The following ROBO1 variants were observed in gnomAD, a reference collection of about 807,000 sequenced individuals.
The protein encoded by ROBO1 is roundabout homolog 1.
Under a neutral mutation model 195.9 loss-of-function variants are expected in ROBO1, and 149 were observed. That is an observed-to-expected ratio of 0.76 (90% CI 0.67 to 0.87). ROBO1 has a LOEUF of 0.87. Among genes scored for constraint, ROBO1 ranks in the 40% least tolerant of loss-of-function variants. The pLI is 0.00. For missense variants in ROBO1, 1,933 were observed against 2,068.3 expected (o/e 0.93, Z 1.27); for synonymous variants, 816 against 733.2 (o/e 1.11, Z -1.82).
intron 1 of ROBO1, among the ~76,000 whole-genome samples, chr3:79,632,736 T>C (rs1945381190): frequency 1.3e-5 from 2 of 151,988 alleles, no homozygotes; most frequent in Non-Finnish European, 2.9e-5. Context: ...AGCATCTACT[T>C]CAGCAAGACA....
intron 1 of ROBO1, among the ~76,000 whole-genome samples, chr3:79,699,427 T>C (rs938787278): frequency 6.6e-6 from 1 of 151,584 alleles, no homozygotes; most frequent in Non-Finnish European, 1.5e-5. Flanking sequence ...CGAAGTACCA[T>C]AAATACAATA....
intron 2 of ROBO1, among the ~76,000 whole-genome samples, chr3:79,377,183 A>C (rs1199150021): frequency 1.3e-5 from 2 of 152,142 alleles, no homozygotes; most frequent in African/African-American, 4.8e-5. Flanking sequence ...CTAATTTATT[A>C]AAAAAGAAAA....
chr3:79,623,470 C>T (rs1945074499), intron 1 of ROBO1, among the ~76,000 whole-genome samples: 1 of 152,114 alleles, frequency 6.6e-6, no homozygotes, highest in South Asian at 2.1e-4. Flanking sequence ...AGAGGAATTG[C>T]TAACTAGAAT....
chr3:79,054,551 G>C (rs2078766714), intron 3 of ROBO1, among the ~76,000 whole-genome samples: 1 of 152,014 alleles, frequency 6.6e-6, no homozygotes, highest in Non-Finnish European at 1.5e-5. Context: ...CTATTCTGTG[G>C]GCATGGGCCA....
At chr3:79,598,456 G>A (rs910742232) in intron 1 of ROBO1, among the ~76,000 whole-genome samples, 1 of 152,012 alleles carries the variant, frequency 6.6e-6, no homozygotes, top group South Asian at 2.1e-4. Flanking sequence ...TGTGTTTAAA[G>A]ATATTGTTTT....
intron 2 of ROBO1, among the ~76,000 whole-genome samples, chr3:79,575,474 A>G (rs1943451375): frequency 1.5e-5 from 2 of 136,294 alleles, no homozygotes; most frequent in African/African-American, 2.7e-5. Flanking sequence ...AAATACATAT[A>G]TAAATATATA....
intron 2 of ROBO1, among the ~76,000 whole-genome samples, chr3:79,206,754 T>C (rs567926192): frequency 6.6e-6 from 1 of 152,250 alleles, no homozygotes; most frequent in South Asian, 2.1e-4. Flanking sequence ...ACAATGGAAA[T>C]AAATGATCAG....
intron 8 of ROBO1, among the ~76,000 whole-genome samples, chr3:78,712,042 A>C (rs6804856): frequency 0.25 from 36,303 of 146,082 alleles, 5,491 homozygotes; most frequent in African/African-American, 0.27. Flanking sequence ...AAAAAAAAAA[A>C]AAAAAAAACT....
chr3:78,745,721 C>A (rs1468045055), intron 5 of ROBO1, among the ~76,000 whole-genome samples: 1 of 152,162 alleles, frequency 6.6e-6, no homozygotes, highest in East Asian at 1.9e-4. Context: ...TTGGGAGACT[C>A]ATTCTAATTC....
chr3:78,712,017 C>CAAA (rs56267632), intron 8 of ROBO1, among the ~76,000 whole-genome samples: 15 of 76,456 alleles, frequency 2.0e-4, no homozygotes, highest in South Asian at 5.7e-4. Flanking sequence ...AAGACCTTGG[C>CAAA]AAAAAAAAAA....
chr3:79,350,705 AT>A (rs1201921975), intron 2 of ROBO1, among the ~76,000 whole-genome samples: 1 of 152,208 alleles, frequency 6.6e-6, no homozygotes. Context: ...CCTATATATG[AT>A]TTCATTTCTA....
chr3:79,011,678 A>T (rs1042808536), intron 3 of ROBO1, among the ~76,000 whole-genome samples: 5 of 148,210 alleles, frequency 3.4e-5, no homozygotes, highest in African/African-American at 9.9e-5. Flanking sequence ...TTTATATATA[A>T]ATATATATGT....
intron 1 of ROBO1, among the ~76,000 whole-genome samples, chr3:79,668,344 TTTTTG>T (rs972087943): frequency 2.6e-5 from 4 of 151,696 alleles, no homozygotes; most frequent in South Asian, 2.1e-4. Flanking sequence ...ATGGTGTTTT[TTTTTG>T]TTTTGTTTTA....
chr3:79,008,396 T>C (rs1477484901), intron 3 of ROBO1, among the ~76,000 whole-genome samples: 3 of 152,106 alleles, frequency 2.0e-5, no homozygotes, highest in African/African-American at 7.2e-5. Context: ...AGTAGTTTAC[T>C]GGGGAATAAA....
At chr3:78,812,064 T>C (rs1212956973) in intron 4 of ROBO1, among the ~76,000 whole-genome samples, 3 of 152,106 alleles carry the variant, frequency 2.0e-5, no homozygotes, top group Non-Finnish European at 1.5e-5. Context: ...GAAGTGAACA[T>C]TCTTTTGCAC....
At chr3:79,182,568 T>TGTGTGTGTGTGTGC (rs1369326015) in intron 2 of ROBO1, among the ~76,000 whole-genome samples, 1 of 151,614 alleles carries the variant, frequency 6.6e-6, no homozygotes, top group African/African-American at 2.4e-5. Context: ...TGTGTGTGTG[T>TGTGTGTGTGTGTGC]GTGCGTGCGT....
At chr3:79,619,205 A>AC (rs1289456774) in intron 1 of ROBO1, among the ~76,000 whole-genome samples, 2 of 152,122 alleles carry the variant, frequency 1.3e-5, no homozygotes, top group African/African-American at 4.8e-5. Context: ...GTGGCAAGTC[A>AC]ATTGTGGGGA....
At chr3:79,488,522 T>G (rs1939278380) in intron 2 of ROBO1, among the ~76,000 whole-genome samples, 1 of 152,176 alleles carries the variant, frequency 6.6e-6, no homozygotes, top group South Asian at 2.1e-4. Flanking sequence ...TAATTTCCAG[T>G]GTGTGATAAA....
intron 2 of ROBO1, among the ~76,000 whole-genome samples, chr3:79,139,178 AC>A: frequency 6.6e-6 from 1 of 151,734 alleles, no homozygotes; most frequent in East Asian, 1.9e-4. Context: ...TATATATAAA[AC>A]AATTCTATTA....
Sources: allele counts gnomAD v4.1 joint callset (sites outside exome capture counted in the v4.1 genomes callset), GRCh38; gene constraint gnomAD v4.1.1; transcripts MANE v1.5; gene names NCBI Gene and HGNC (gene_info 2026-07-23, HGNC 2026-07-21).